GOLT1B: variants seen among roughly 807,000 people sequenced by gnomAD.
The protein encoded by GOLT1B is golgi transport 1B, also known as vesicle transport protein GOT1B.
In GOLT1B, 3 loss-of-function variants were observed where a neutral mutation model predicts 15.4. That is an observed-to-expected ratio of 0.19 (90% CI 0.09 to 0.50). GOLT1B has a LOEUF of 0.50. Ranked by LOEUF, GOLT1B falls within the 20% of genes least tolerant of loss-of-function variation. The pLI is 0.97. For missense variants in GOLT1B, 145 were observed against 160.4 expected (o/e 0.90, Z 0.52); for synonymous variants, 65 against 56.2 (o/e 1.16, Z -0.70).
intron 4 of GOLT1B, 48 bp downstream of exon 4, chr12:21,512,424 C>T (rs925073407): frequency 3.5e-6 from 3 of 865,496 alleles, no homozygotes; most frequent in Admixed American, 2.0e-5. Context: ...TATTTTGATG[C>T]TTTTTACTTC....
chr12:21,504,699 G>A, intron 1 of GOLT1B: 1 of 447,652 alleles, frequency 2.2e-6, no homozygotes, highest in Non-Finnish European at 4.5e-6. Flanking sequence ...CATAGGACCA[G>A]TGCTACCTTT....
chr12:21,502,484 C>T (rs1943640182), intron 1 of GOLT1B, among the ~76,000 whole-genome samples: 3 of 152,200 alleles, frequency 2.0e-5, no homozygotes, highest in Admixed American at 2.0e-4. Context: ...GTACTGTAAG[C>T]AACCTTTTAG....
In GOLT1B at chr12:21,517,655, A is replaced by G. The variant is rs1943765942; in HGVS notation, c.*1948A>G. On this transcript the variant is annotated 3_prime_UTR_variant, in exon 5 of 5. Coordinates refer to ENST00000229314, the MANE Select transcript of GOLT1B (RefSeq NM_016072.5). ...GAGATTCCTTTTTTCAATAATCTTAATTCAAAAGCATTATTAGACTTGAAA... is the reference window on the plus strand; with the variant it reads ...GAGATTCCTTTTTTCAATAATCTTAGTTCAAAAGCATTATTAGACTTGAAA... 6.6e-6 allele frequency: 1 copy of G among 152,124 alleles called. No individual in the cohort carries two copies. Among genetic ancestry groups the G allele is most frequent in the Non-Finnish European group, 1.5e-5 (1 of 67,932 alleles). The allele number at this position is 152,124 out of a possible 1,614,324, so 9.4% of individuals were successfully genotyped here.
intron 1 of GOLT1B, among the ~76,000 whole-genome samples, chr12:21,504,187 A>T (rs987135824): frequency 6.6e-5 from 10 of 151,936 alleles, no homozygotes; most frequent in Non-Finnish European, 1.5e-4. Context: ...TTGTTTTTAT[A>T]TTTTTTTTAA....
At chr12:21,502,355 A>G (rs572623383) in intron 1 of GOLT1B, among the ~76,000 whole-genome samples, 11 of 152,318 alleles carry the variant, frequency 7.2e-5, no homozygotes, top group African/African-American at 2.6e-4. Context: ...CGGGTCCTCT[A>G]CAAGTCCCTG....
At chr12:21,514,843 A>G (rs1429890118) in intron 4 of GOLT1B, among the ~76,000 whole-genome samples, 2 of 152,148 alleles carry the variant, frequency 1.3e-5, no homozygotes, top group African/African-American at 4.8e-5. Context: ...TCATCATGAT[A>G]AGTGCTTATG....
chr12:21,516,176 TA>T lies in GOLT1B; in HGVS notation c.*472del, dbSNP rs1416891266. The T allele has an allele frequency of 6.6e-6, 1 of 152,438 alleles. No individual in the cohort carries two copies. Among genetic ancestry groups the T allele is most frequent in the Non-Finnish European group, 1.5e-5 (1 of 68,168 alleles). The allele number at this position is 152,438 out of a possible 1,614,324, so 9.4% of individuals were successfully genotyped here. A position where few individuals can be genotyped will look rare whatever the true frequency, so the allele number is the denominator to read the frequency against. ...TGAATTCGATTGGATTGTGTCATTT[TA>T]AAGTATTAAAACCAAGGAAACCCCA... On this transcript the variant is annotated 3_prime_UTR_variant, in exon 5 of 5. Coordinates refer to ENST00000229314, the MANE Select transcript of GOLT1B (RefSeq NM_016072.5).
chr12:21,511,367 A>C, intron 3 of GOLT1B, among the ~76,000 whole-genome samples: 1 of 146,696 alleles, frequency 6.8e-6, no homozygotes, highest in South Asian at 2.2e-4. Flanking sequence ...CTCCAAGAAC[A>C]TCCTTGTGTT....
chr12:21,509,483 A>G (rs1230298965), intron 3 of GOLT1B, among the ~76,000 whole-genome samples: 1 of 151,400 alleles, frequency 6.6e-6, no homozygotes, highest in Non-Finnish European at 1.5e-5. Context: ...AGAAATGCAT[A>G]TCCTTTGTCT....
chr12:21,508,070 C>A, intron 2 of GOLT1B: 2 of 403,472 alleles, frequency 5.0e-6, no homozygotes, highest in Non-Finnish European at 9.5e-6. Flanking sequence ...CCTCATCCAG[C>A]TAAAACTAGG....
At chr12:21,513,797 A>G (rs1053458632) in intron 4 of GOLT1B, among the ~76,000 whole-genome samples, 7 of 152,202 alleles carry the variant, frequency 4.6e-5, no homozygotes, top group Non-Finnish European at 8.8e-5. Flanking sequence ...CCTTGTCTCA[A>G]ACAAAAAAGA....
rs1943754379 is a variant in GOLT1B at position 21,516,161 on chromosome 12, T to C, written c.*454T>C. 1 of 152,808 alleles carries C rather than the reference T, an allele frequency of 6.5e-6. No individual in the cohort carries two copies. The highest frequency in any genetic ancestry group is 2.4e-5 in the African/African-American group (1 of 41,480). 9.5% of individuals were successfully genotyped at this position (152,808 alleles called of 1,614,324 possible). A position where few individuals can be genotyped will look rare whatever the true frequency, so the allele number is the denominator to read the frequency against. On this transcript the variant is annotated 3_prime_UTR_variant, in exon 5 of 5. Coordinates refer to ENST00000229314, the MANE Select transcript of GOLT1B (RefSeq NM_016072.5). ...TCTGGAAGTGATGCATGAATTCGAT[T>C]GGATTGTGTCATTTTAAAGTATTAA... is the stretch of plus-strand genomic sequence containing the variant.
At chr12:21,515,225 T>C in intron 4 of GOLT1B, 1 of 1,398,832 alleles carries the variant, frequency 7.1e-7, no homozygotes, top group South Asian at 1.2e-5. Flanking sequence ...GAGTTAAATC[T>C]GTTTGTCCAA....
chr12:21,506,775 C>T, intron 1 of GOLT1B, 110 bp from the exon 2 acceptor site: 1 of 536,304 alleles, frequency 1.9e-6, no homozygotes, highest in Non-Finnish European at 3.4e-6. Flanking sequence ...ATGTTGGGTA[C>T]CTGTTTTCTT....
In GOLT1B at chr12:21,503,871, G is replaced by A. The variant is rs1003380045; in HGVS notation, c.25+1923G>A. ...AAGGCATTCTAGGACTTTCCTCACC[G>A]CCCCAAAAAAGACAAGACTTATTCA... On this transcript the variant is annotated intron_variant, in intron 1 of 4. Transcript: ENST00000229314. Among the ~76,000 whole-genome samples, 16 of 3,346 alleles carry A rather than the reference G, an allele frequency of 4.8e-3. No homozygotes were observed. In the Non-Finnish European group the frequency reaches 0.09, roughly 19 times the overall value. 2.2% of individuals were successfully genotyped at this position (3,346 alleles called of 152,430 possible).
At chr12:21,506,824 A>T in intron 1 of GOLT1B, 61 bp from the exon 2 acceptor site, 1 of 716,766 alleles carries the variant, frequency 1.4e-6, no homozygotes. Context: ...TTCTTAGTTT[A>T]CAGGGATGTT....
chr12:21,515,326 T>C (rs973791470), intron 4 of GOLT1B: 50 of 786,450 alleles, frequency 6.4e-5, no homozygotes, highest in Non-Finnish European at 5.8e-5. Context: ...ACATTTCAGT[T>C]TTTTTTATGT....
intron 1 of GOLT1B, among the ~76,000 whole-genome samples, chr12:21,504,738 A>C (rs1279809585): frequency 6.6e-6 from 1 of 152,250 alleles, no homozygotes; most frequent in Non-Finnish European, 1.5e-5. Flanking sequence ...AAGAAATTAT[A>C]AAATTTTTGT....
intron 4 of GOLT1B, among the ~76,000 whole-genome samples, chr12:21,514,205 C>T (rs1943740401): frequency 6.6e-6 from 1 of 152,150 alleles, no homozygotes; most frequent in Non-Finnish European, 1.5e-5. Context: ...CCAACTCTGT[C>T]CTAAATAACT....
Sources: allele counts gnomAD v4.1 joint callset (sites outside exome capture counted in the v4.1 genomes callset), GRCh38; gene constraint gnomAD v4.1.1; transcripts MANE v1.5; gene names NCBI Gene and HGNC (gene_info 2026-07-23, HGNC 2026-07-21).